Variants in WLS observed in about 807,000 individuals in gnomAD.
WLS encodes protein wntless homolog.
Under a neutral mutation model 62.8 loss-of-function variants are expected in WLS, and 23 were observed. That is an observed-to-expected ratio of 0.37 (90% confidence interval 0.26 to 0.52). The LOEUF is 0.52. Among genes scored for constraint, WLS ranks in the 20% least tolerant of loss-of-function variants. The probability of loss-of-function intolerance (pLI) is 0.92; values close to 1 mark genes in which losing one functional copy is unlikely to be tolerated. For synonymous variants in WLS, 246 were observed against 244.1 expected, an observed-to-expected ratio of 1.01 and a Z score of -0.07; for missense variants, 615 against 697.3, an observed-to-expected ratio of 0.88 and a Z score of 1.33.
At chr1:68,187,642 T>C (rs969955684) in intron 2 of WLS, among the ~76,000 whole-genome samples, 2 of 152,104 alleles carry the variant, frequency 1.3e-5, no homozygotes, top group Non-Finnish European at 2.9e-5. Flanking sequence ...TGCTCAAGAG[T>C]TGAGCTTAAA....
intron 11 of WLS, among the ~76,000 whole-genome samples, chr1:68,128,140 C>T (rs1646463464): frequency 6.6e-6 from 1 of 152,184 alleles, no homozygotes; most frequent in East Asian, 1.9e-4. Flanking sequence ...ATTAAAGGGG[C>T]ATCAGTCCAG....
intron 5 of WLS, among the ~76,000 whole-genome samples, chr1:68,152,385 G>C (rs1646838530): frequency 6.6e-6 from 1 of 152,188 alleles, no homozygotes; most frequent in South Asian, 2.1e-4. Flanking sequence ...TCCAAAGCAG[G>C]TGCCCCAGTC....
In WLS at chr1:68,194,178, A is replaced by G. The variant is rs1190630493; in HGVS notation, c.156T>C (p.Asp52=). 6.2e-7 allele frequency: 1 copy of G among 1,614,206 alleles called. No homozygotes were observed. The highest frequency in any genetic ancestry group is 8.5e-7 in the Non-Finnish European group (1 of 1,180,026). ...TTGTCTTGTGATGGTTCTTACGGGC[A>G]TCCACACATTTCACCGACATGTAGG... ...AVSYMSVKCV[D]ARKNHHKTKW... is the part of the protein sequence containing the mutation. The change falls in exon 2 of 12, where the codon GAT becomes GAC. Residue 52 remains aspartate, a synonymous_variant. Transcript: ENST00000262348.
At chr1:68,224,436 C>A (rs1001116286) in intron 1 of WLS, among the ~76,000 whole-genome samples, 1 of 152,172 alleles carries the variant, frequency 6.6e-6, no homozygotes, top group African/African-American at 2.4e-5. Context: ...TCATTACACT[C>A]CCATTTCTTC....
intron 1 of WLS, among the ~76,000 whole-genome samples, chr1:68,197,059 C>T (rs1457037655): frequency 6.6e-6 from 1 of 152,098 alleles, no homozygotes; most frequent in African/African-American, 2.4e-5. Context: ...AACTTCTATT[C>T]TTCCAAAATG....
intron 2 of WLS, among the ~76,000 whole-genome samples, chr1:68,192,965 T>C (rs1182395504): frequency 2.1e-5 from 3 of 143,436 alleles, no homozygotes; most frequent in Non-Finnish European, 3.1e-5. Context: ...AAAATTTTGC[T>C]GGGCGTGGTG....
intron 9 of WLS, among the ~76,000 whole-genome samples, chr1:68,145,064 A>T (rs1029737851): frequency 6.6e-6 from 1 of 152,198 alleles, no homozygotes; most frequent in Non-Finnish European, 1.5e-5. Context: ...ATTTGGTTGA[A>T]TTTTCTCATG....
At chr1:68,217,827 G>T (rs1649791510) in intron 1 of WLS, among the ~76,000 whole-genome samples, 1 of 152,140 alleles carries the variant, frequency 6.6e-6, no homozygotes, top group African/African-American at 2.4e-5. Flanking sequence ...GAGGGGTCTG[G>T]TTCCCCCACC....
At chr1:68,110,651 A>ATCTCTCTCTCTC (rs752431176) in intron 11 of WLS, among the ~76,000 whole-genome samples, 43 of 126,224 alleles carry the variant, frequency 3.4e-4, no homozygotes, top group African/African-American at 1.3e-3. Context: ...GCCCCCAAAA[A>ATCTCTCTCTCTC]TCTCTGTCTC....
intron 2 of WLS, among the ~76,000 whole-genome samples, chr1:68,175,243 A>G (rs1647219034): frequency 6.6e-6 from 1 of 152,216 alleles, no homozygotes. Flanking sequence ...ACTGCCTACT[A>G]TGTGTAGACA....
At chr1:68,230,998 A>G (rs1477706718) in intron 1 of WLS, among the ~76,000 whole-genome samples, 1 of 152,130 alleles carries the variant, frequency 6.6e-6, no homozygotes, top group African/African-American at 2.4e-5. Context: ...GCACGCGCGG[A>G]GAAAGCCCCT....
At chr1:68,109,695 G>A (rs1570801619) in intron 11 of WLS, among the ~76,000 whole-genome samples, 1 of 151,964 alleles carries the variant, frequency 6.6e-6, no homozygotes, top group Non-Finnish European at 1.5e-5. Context: ...AGGAAAAAAA[G>A]ATTATAAATA....
At chr1:68,183,425 G>A in intron 2 of WLS, 1 of 345,912 alleles carries the variant, frequency 2.9e-6, no homozygotes, top group Non-Finnish European at 6.2e-6. Flanking sequence ...TTCCATCATA[G>A]CAGGGATAGT....
chr1:68,205,766 T>G (rs532715005), intron 1 of WLS, among the ~76,000 whole-genome samples: 1 of 152,300 alleles, frequency 6.6e-6, no homozygotes, highest in African/African-American at 2.4e-5. Context: ...GCATCAATAT[T>G]CTACTTCTGA....
intron 1 of WLS, among the ~76,000 whole-genome samples, chr1:68,227,091 GAACA>G (rs1212531365): frequency 1.3e-5 from 2 of 152,120 alleles, no homozygotes; most frequent in Non-Finnish European, 2.9e-5. Flanking sequence ...TGTACTGAAA[GAACA>G]ATCAGATGAA....
At chr1:68,159,954 C>T (rs895974347) in intron 2 of WLS, among the ~76,000 whole-genome samples, 4 of 151,930 alleles carry the variant, frequency 2.6e-5, no homozygotes, top group Non-Finnish European at 5.9e-5. Context: ...GTGGACTGGA[C>T]CACGAATGAG....
Position 68,153,606 on chromosome 1 carries a change from C to T in WLS, c.714G>A (p.Lys238=), listed in dbSNP as rs779605379. 6.2e-7 allele frequency: 1 copy of T among 1,614,200 alleles called. No individual in the cohort carries two copies. The highest frequency in any genetic ancestry group is 8.5e-7 in the Non-Finnish European group (1 of 1,180,036). ...TGAAGATGCTGGGCGTAAGGAAGGT[C>T]TTCATGGCAAACCACACCTTGGTGA... ...GGFTKVWFAM[K]TFLTPSIFII... is the part of the protein sequence containing the mutation. Residue 238 remains lysine, a synonymous_variant, in exon 5 of 12, where the codon AAG becomes AAA. Transcript: ENST00000262348.
At chr1:68,118,900 A>AAAAAAAAAAAAAAC (rs1646330434) in intron 11 of WLS, among the ~76,000 whole-genome samples, 1 of 145,432 alleles carries the variant, frequency 6.9e-6, no homozygotes, top group Non-Finnish European at 1.5e-5. Context: ...AAAAAAAAAA[A>AAAAAAAAAAAAAAC]AAGCACCTGG....
At chr1:68,139,860 T>C (rs1025307484) in intron 10 of WLS, among the ~76,000 whole-genome samples, 1 of 152,212 alleles carries the variant, frequency 6.6e-6, no homozygotes, top group African/African-American at 2.4e-5. Context: ...AAGTACTTGA[T>C]TGAAAAGTAA....
Sources: allele counts gnomAD v4.1 joint callset (sites outside exome capture counted in the v4.1 genomes callset), GRCh38; gene constraint gnomAD v4.1.1; transcripts MANE v1.5; gene names NCBI Gene and HGNC (gene_info 2026-07-23, HGNC 2026-07-21).